CTNNA2: variants seen among roughly 807,000 people sequenced by gnomAD.
CTNNA2 encodes the protein catenin alpha 2.
Under a neutral mutation model 101.0 loss-of-function variants are expected in CTNNA2, and 42 were observed. The observed-to-expected ratio is 0.42, with a 90% confidence interval of 0.32 to 0.54. CTNNA2 has a LOEUF of 0.54. Ranked by LOEUF, CTNNA2 falls within the 20% of genes least tolerant of loss-of-function variation. The pLI is 0.14. For synonymous variants in CTNNA2, 450 were observed against 456.4 expected, an observed-to-expected ratio of 0.99 and a Z score of 0.18; for missense variants, 871 against 1,223.1, an observed-to-expected ratio of 0.71 and a Z score of 4.29.
At chr2:80,574,428 GT>G in intron 13 of CTNNA2, 114 bp downstream of exon 13, 1 of 1,282,904 alleles carries the variant, frequency 7.8e-7, no homozygotes, top group Non-Finnish European at 1.0e-6. Flanking sequence ...TTGGTAAGCT[GT>G]TTGGCTCCTT....
chr2:80,498,838 G>A (rs545703094), intron 9 of CTNNA2, among the ~76,000 whole-genome samples: 11 of 152,218 alleles, frequency 7.2e-5, no homozygotes, highest in South Asian at 6.2e-4. Context: ...CTAAATAGTC[G>A]GGTTTTTATT....
intron 2 of CTNNA2, among the ~76,000 whole-genome samples, chr2:79,658,058 G>A (rs1408897010): frequency 6.6e-6 from 1 of 151,754 alleles, no homozygotes; most frequent in Non-Finnish European, 1.5e-5. Context: ...TATTCAAAGG[G>A]AAAGAATTCA....
At chr2:80,427,171 C>T (rs2149419399) in intron 9 of CTNNA2, among the ~76,000 whole-genome samples, 1 of 152,182 alleles carries the variant, frequency 6.6e-6, no homozygotes, top group African/African-American at 2.4e-5. Flanking sequence ...GTGATGTTGC[C>T]AGCTTTTGGG....
At chr2:79,414,059 A>T (rs1678449832) in intron 4 of CTNNA2, among the ~76,000 whole-genome samples, 1 of 150,942 alleles carries the variant, frequency 6.6e-6, no homozygotes, top group Non-Finnish European at 1.5e-5. Flanking sequence ...AGAGTTGATA[A>T]CATTGACAAC....
At chr2:80,356,219 C>T (rs1673780734) in intron 7 of CTNNA2, among the ~76,000 whole-genome samples, 1 of 152,042 alleles carries the variant, frequency 6.6e-6, no homozygotes, top group African/African-American at 2.4e-5. Context: ...TCTATAAAAG[C>T]CAAAAACCAG....
chr2:80,460,142 C>T (rs1684305022), intron 9 of CTNNA2, among the ~76,000 whole-genome samples: 1 of 152,080 alleles, frequency 6.6e-6, no homozygotes, highest in Non-Finnish European at 1.5e-5. Flanking sequence ...GGATAGTTTA[C>T]TTCTTTATAT....
chr2:80,631,492 G>A (rs1029667491), intron 18 of CTNNA2, among the ~76,000 whole-genome samples: 1 of 151,204 alleles, frequency 6.6e-6, no homozygotes, highest in Non-Finnish European at 1.5e-5. Context: ...ACAATATGTT[G>A]TCCATCCATG....
chr2:80,203,456 C>T (rs7574023), intron 7 of CTNNA2, among the ~76,000 whole-genome samples: 55,108 of 152,090 alleles, frequency 0.36, 12,461 homozygotes, highest in Non-Finnish European at 0.51. Flanking sequence ...AACAATGGGG[C>T]CACAGGCCCC....
chr2:79,363,835 G>C (rs1677685218), intron 3 of CTNNA2, among the ~76,000 whole-genome samples: 1 of 152,202 alleles, frequency 6.6e-6, no homozygotes, highest in African/African-American at 2.4e-5. Context: ...CCAAGAAGCA[G>C]TCCAGGACAG....
chr2:79,616,639 A>T (rs1678640178), intron 1 of CTNNA2, among the ~76,000 whole-genome samples: 1 of 152,112 alleles, frequency 6.6e-6, no homozygotes, highest in Admixed American at 6.6e-5. Flanking sequence ...GCCTGCCTTC[A>T]TCTCATTGCT....
At chr2:79,970,603 T>C (rs931322480) in intron 7 of CTNNA2, among the ~76,000 whole-genome samples, 1 of 152,150 alleles carries the variant, frequency 6.6e-6, no homozygotes, top group Non-Finnish European at 1.5e-5. Flanking sequence ...ATTCACAGCA[T>C]CTATGTTAAG....
intron 7 of CTNNA2, among the ~76,000 whole-genome samples, chr2:80,219,448 C>A (rs1259014864): frequency 1.3e-5 from 2 of 152,114 alleles, no homozygotes; most frequent in Non-Finnish European, 2.9e-5. Flanking sequence ...ACATTTGATT[C>A]AACCTCTTTG....
intron 2 of CTNNA2, among the ~76,000 whole-genome samples, chr2:79,714,680 A>C (rs1183036864): frequency 6.6e-6 from 1 of 152,112 alleles, no homozygotes; most frequent in Non-Finnish European, 1.5e-5. Flanking sequence ...TGTGTAGGGC[A>C]CTGGGGGTAA....
At chr2:80,638,331 G>T (rs1340688482) in intron 18 of CTNNA2, among the ~76,000 whole-genome samples, 1 of 152,148 alleles carries the variant, frequency 6.6e-6, no homozygotes. Context: ...TTATGGGGGG[G>T]GTGCCTGAAA....
chr2:79,638,811 C>G (rs1680257266), intron 1 of CTNNA2, among the ~76,000 whole-genome samples: 1 of 152,166 alleles, frequency 6.6e-6, no homozygotes, highest in Admixed American at 6.5e-5. Flanking sequence ...TTTAAAAATA[C>G]AAGTCCTTAG....
At chr2:79,656,852 T>G (rs1459959647) in intron 2 of CTNNA2, among the ~76,000 whole-genome samples, 3 of 151,500 alleles carry the variant, frequency 2.0e-5, no homozygotes, top group Non-Finnish European at 4.4e-5. Context: ...TAAAAAAAAA[T>G]TATTAGGAAA....
chr2:79,617,408 T>C (rs1678700067), intron 1 of CTNNA2, among the ~76,000 whole-genome samples: 1 of 152,236 alleles, frequency 6.6e-6, no homozygotes, highest in African/African-American at 2.4e-5. Context: ...AATTCTCTTA[T>C]TTCCCATGGA....
chr2:80,477,250 T>G (rs1424954047), intron 9 of CTNNA2, among the ~76,000 whole-genome samples: 2 of 152,162 alleles, frequency 1.3e-5, no homozygotes, highest in Admixed American at 6.5e-5. Flanking sequence ...AATGAACACT[T>G]GTTTTTGATT....
intron 15 of CTNNA2, among the ~76,000 whole-genome samples, chr2:80,595,856 G>A (rs2149752601): frequency 6.6e-6 from 1 of 152,002 alleles, no homozygotes; most frequent in Admixed American, 6.6e-5. Context: ...GGCTTTTTTT[G>A]TTTCACATGA....
Sources: gnomAD v4.1 joint callset for allele counts (sites outside exome capture counted in the v4.1 genomes callset) on GRCh38, gnomAD v4.1.1 for gene constraint, MANE v1.5 for transcripts, NCBI Gene and HGNC (gene_info 2026-07-23, HGNC 2026-07-21) for gene names.